The following BCHE variants were observed in gnomAD, a reference collection of about 807,000 sequenced individuals.
BCHE encodes the protein butyrylcholinesterase.
In BCHE, 48 loss-of-function variants were observed where a neutral mutation model predicts 51.3. That is an observed-to-expected ratio of 0.94 (90% CI 0.74 to 1.19). BCHE has a LOEUF of 1.19. Ranked by LOEUF, BCHE falls within the 50% of genes most tolerant of loss-of-function variation. The pLI, the probability that BCHE is intolerant of heterozygous loss-of-function variation, is 0.00. For missense variants in BCHE, 847 were observed against 708.2 expected (o/e 1.20, Z -2.23); for synonymous variants, 251 against 238.0 (o/e 1.05, Z -0.50).
At chr3:165,783,632 T>C (rs1449520533) in intron 3 of BCHE, among the ~76,000 whole-genome samples, 1 of 152,062 alleles carries the variant, frequency 6.6e-6, no homozygotes, top group East Asian at 1.9e-4. Context: ...CAAAGGTCAA[T>C]GGAGGAATTA....
At chr3:165,788,064 C>G (rs1713023076) in intron 2 of BCHE, among the ~76,000 whole-genome samples, 3 of 151,924 alleles carry the variant, frequency 2.0e-5, no homozygotes, top group Non-Finnish European at 4.4e-5. Context: ...CAGATACCTT[C>G]TGTATATTAT....
chr3:165,776,904 ACATAGTATT>A (rs1712493613), intron 3 of BCHE, among the ~76,000 whole-genome samples: 1 of 151,860 alleles, frequency 6.6e-6, no homozygotes, highest in Non-Finnish European at 1.5e-5. Flanking sequence ...ACAATAGGTC[ACATAGTATT>A]TATCCATTGA....
rs1316841309 is a variant in BCHE, at chr3:165,830,634, T to G, written c.400A>C (p.Asn134His). 6.2e-7 allele frequency: 1 copy of G among 1,613,934 alleles called. No homozygotes were observed. Among genetic ancestry groups the G allele is most frequent in the Non-Finnish European group, 8.5e-7 (1 of 1,179,982 alleles). The part of the protein sequence containing the change: ...NVWIPAPKPK[N>H]ATVLIWIYGG... ...TAAATCCATATCAATACAGTGGCAT[T>G]TTTTGGTTTAGGTGCTGGAATCCAT... Residue 134 changes from asparagine (N) to histidine (H), a missense_variant, in exon 2 of 4, where the codon AAT becomes CAT. Transcript: ENST00000264381.
Position 165,786,463 on chromosome 3 carries a change from G to A in BCHE, c.1518-152C>T, listed in dbSNP as rs1712955928. 18 of 698,826 alleles carry A rather than the reference G, an allele frequency of 2.6e-5. No homozygotes were observed. In the East Asian group the frequency reaches 4.9e-4, roughly 19 times the overall value. The allele number at this position is 698,826 out of a possible 1,614,324, so 43.3% of individuals were successfully genotyped here. A position where few individuals can be genotyped will look rare whatever the true frequency, so the allele number is the denominator to read the frequency against. ...TGATGATATGAAACGTATGTGAACTGGGCTTAGTGGTTTGAGCACTGAGAA... is the reference window on the plus strand; with the variant it reads ...TGATGATATGAAACGTATGTGAACTAGGCTTAGTGGTTTGAGCACTGAGAA... On this transcript the variant is annotated intron_variant, in intron 2 of 3. Coordinates refer to ENST00000264381, the MANE Select transcript of BCHE (RefSeq NM_000055.4).
chr3:165,829,847 G>T lies in BCHE; in HGVS notation c.1187C>A (p.Ser396Tyr), dbSNP rs2108234706. ...FPGVSEFGKE[S>Y]ILFHYTDWVD... Reference sequence around the variant, plus strand: ...CCAGTCTGTGTAATGAAAAAGGATGGATTCCTTTCCAAACTCACTCACTCC... The same window carrying T: ...CCAGTCTGTGTAATGAAAAAGGATGTATTCCTTTCCAAACTCACTCACTCC... Residue 396 changes from serine (S) to tyrosine (Y), a missense_variant, in exon 2 of 4, where the codon TCC becomes TAC. Transcript: ENST00000264381. 3 of 1,612,814 alleles carry T rather than the reference G, an allele frequency of 1.9e-6. No individual in the cohort carries two copies. Among genetic ancestry groups the T allele is most frequent in the Non-Finnish European group, 2.5e-6 (3 of 1,179,436 alleles).
chr3:165,800,002 A>C (rs537001407), intron 2 of BCHE, among the ~76,000 whole-genome samples: 1 of 105,596 alleles, frequency 9.5e-6, no homozygotes, highest in Non-Finnish European at 1.9e-5. Context: ...TTAGCCTTCA[A>C]TTATTTCTCA....
chr3:165,791,372 A>C (rs1214051322), intron 2 of BCHE, among the ~76,000 whole-genome samples: 3 of 152,160 alleles, frequency 2.0e-5, no homozygotes. Context: ...GCTGGGAATA[A>C]CTACAGATGG....
intron 2 of BCHE, among the ~76,000 whole-genome samples, chr3:165,829,223 A>T (rs984895788): frequency 3.3e-5 from 5 of 152,146 alleles, no homozygotes; most frequent in Non-Finnish European, 4.4e-5. Flanking sequence ...TTCTCCAACT[A>T]AGCATCTTTT....
At chr3:165,824,386 C>T (rs1016123590) in intron 2 of BCHE, among the ~76,000 whole-genome samples, 2 of 151,864 alleles carry the variant, frequency 1.3e-5, no homozygotes, top group African/African-American at 4.8e-5. Flanking sequence ...AATAAAGACT[C>T]TCAAGAAATA....
At chr3:165,785,822 T>C (rs1712925033) in intron 3 of BCHE, among the ~76,000 whole-genome samples, 1 of 151,716 alleles carries the variant, frequency 6.6e-6, no homozygotes, top group South Asian at 2.1e-4. Flanking sequence ...CTTTGTCCAT[T>C]AATTAATTCC....
chr3:165,790,344 T>C (rs1458479853), intron 2 of BCHE, among the ~76,000 whole-genome samples: 1 of 152,128 alleles, frequency 6.6e-6, no homozygotes, highest in Non-Finnish European at 1.5e-5. Context: ...ACCGGCACAA[T>C]AGATGTCCTG....
At chr3:165,809,345 A>G (rs1179908619) in intron 2 of BCHE, among the ~76,000 whole-genome samples, 1 of 152,138 alleles carries the variant, frequency 6.6e-6, no homozygotes. Flanking sequence ...TTAAACATGT[A>G]TGAGAGTTTT....
At chr3:165,811,262 A>G (rs73877735) in intron 2 of BCHE, among the ~76,000 whole-genome samples, 3,736 of 152,162 alleles carry the variant, frequency 0.025, 149 homozygotes, top group African/African-American at 0.087. Context: ...CAGAAAGGTT[A>G]AATTTAGAAA....
In BCHE at chr3:165,830,689, G is replaced by C; in HGVS notation, c.345C>G (p.Asp115Glu). Residue 115 changes from aspartate (D) to glutamate (E), a missense_variant, in exon 2 of 4, where the codon GAC becomes GAG. Transcript: ENST00000264381. ...TTAGATATAAACAGTCTTCACTGAG[G>C]TCAGTGTTTGGGTTCCACATCTCTG... ...HGSEMWNPNTDLSEDCLYLNV... is the reference protein window; with the variant it reads ...HGSEMWNPNTELSEDCLYLNV... The C allele has an allele frequency of 6.2e-7, 1 of 1,613,994 alleles. No homozygotes were observed. The highest frequency in any genetic ancestry group is 8.5e-7 in the Non-Finnish European group (1 of 1,179,956).
chr3:165,789,566 A>C (rs193104911), intron 2 of BCHE, among the ~76,000 whole-genome samples: 1 of 152,286 alleles, frequency 6.6e-6, no homozygotes, highest in Admixed American at 6.5e-5. Context: ...GTTATTTCTA[A>C]GTAAGCTATA....
At chr3:165,829,351 T>C (rs557873378) in intron 2 of BCHE, among the ~76,000 whole-genome samples, 166 bp downstream of exon 2, 1 of 151,922 alleles carries the variant, frequency 6.6e-6, no homozygotes, top group Non-Finnish European at 1.5e-5. Context: ...ACACAGGGAG[T>C]TGAAATGCAG....
chr3:165,829,155 G>A (rs1020648722), intron 2 of BCHE, among the ~76,000 whole-genome samples: 8 of 152,200 alleles, frequency 5.3e-5, no homozygotes, highest in African/African-American at 1.9e-4. Context: ...CTACTCTGAC[G>A]TAAATCTGTG....
At chr3:165,779,743 C>A (rs769484137) in intron 3 of BCHE, among the ~76,000 whole-genome samples, 2 of 152,124 alleles carry the variant, frequency 1.3e-5, no homozygotes, top group Non-Finnish European at 2.9e-5. Context: ...AACTACAAAC[C>A]ATTGCTCAAT....
intron 3 of BCHE, among the ~76,000 whole-genome samples, chr3:165,775,030 A>C (rs1264330598): frequency 6.6e-6 from 1 of 152,168 alleles, no homozygotes; most frequent in African/African-American, 2.4e-5. Context: ...TACAGTCATT[A>C]AACTAACAAA....
Sources: gnomAD v4.1 joint callset for allele counts (sites outside exome capture counted in the v4.1 genomes callset) on GRCh38, gnomAD v4.1.1 for gene constraint, MANE v1.5 for transcripts, NCBI Gene and HGNC (gene_info 2026-07-23, HGNC 2026-07-21) for gene names.